Variants in TTC6 observed in about 807,000 individuals in gnomAD.
TTC6 encodes the protein tetratricopeptide repeat domain 6, also known as tetratricopeptide repeat protein 6.
Under a neutral mutation model 210.4 loss-of-function variants are expected in TTC6, and 172 were observed. The observed-to-expected ratio is 0.82, with a 90% confidence interval of 0.72 to 0.93. The LOEUF (loss-of-function observed/expected upper bound fraction) is 0.93. Among genes scored for constraint, TTC6 ranks in the 40% least tolerant of loss-of-function variants. The probability of loss-of-function intolerance (pLI) is 0.00; values close to 1 mark genes in which losing one functional copy is unlikely to be tolerated. For missense variants in TTC6, 2,414 were observed against 2,318.1 expected (o/e 1.04, Z -0.85); for synonymous variants, 804 against 819.6 (o/e 0.98, Z 0.32).
In TTC6 at chr14:37,804,547, G is replaced by A. The variant is rs559678168; in HGVS notation, c.4030-133G>A. The A allele has an allele frequency of 3.7e-5, 45 of 1,200,130 alleles. No individual in the cohort carries two copies. In the South Asian group the frequency reaches 4.5e-4, roughly 12 times the overall value. 74.3% of individuals were successfully genotyped at this position (1,200,130 alleles called of 1,614,324 possible). A position where few individuals can be genotyped will look rare whatever the true frequency, so the allele number is the denominator to read the frequency against. On this transcript the variant is annotated intron_variant, in intron 20 of 30. Coordinates refer to ENST00000553443, the Ensembl canonical transcript of TTC6. Reference sequence around the variant, plus strand: ...CTGACAAGACCTGTAACTTCACCAGGTCTGTTTGTCCCCAGATAAAGTAAG... The same window carrying A: ...CTGACAAGACCTGTAACTTCACCAGATCTGTTTGTCCCCAGATAAAGTAAG...
At chr14:37,668,951 C>T (rs2095753375) in intron 1 of TTC6, among the ~76,000 whole-genome samples, 1 of 152,196 alleles carries the variant, frequency 6.6e-6, no homozygotes, top group South Asian at 2.1e-4. Context: ...GTCCTTCCCT[C>T]ACTGATTCTG....
chr14:37,735,037 A>C (rs1388353287), intron 7 of TTC6, among the ~76,000 whole-genome samples: 1 of 152,150 alleles, frequency 6.6e-6, no homozygotes, highest in Non-Finnish European at 1.5e-5. Flanking sequence ...ATAATGATGA[A>C]AGTGACCAAG....
intron 2 of TTC6, among the ~76,000 whole-genome samples, chr14:37,681,696 T>C (rs1323954465): frequency 6.6e-6 from 1 of 152,016 alleles, no homozygotes; most frequent in African/African-American, 2.4e-5. Flanking sequence ...CTTATACTAG[T>C]GGTTTGCTGG....
At chr14:37,764,547 T>C (rs2095993015) in intron 14 of TTC6, among the ~76,000 whole-genome samples, 1 of 152,182 alleles carries the variant, frequency 6.6e-6, no homozygotes, top group African/African-American at 2.4e-5. Context: ...GTATTAATTA[T>C]TGCCTTAAAA....
chr14:37,666,233 C>A (rs2095747707), intron 1 of TTC6, among the ~76,000 whole-genome samples: 1 of 149,942 alleles, frequency 6.7e-6, no homozygotes, highest in Non-Finnish European at 1.5e-5. Context: ...TCAGCCTTCA[C>A]CTGACTGCAA....
At chr14:37,780,026 A>C (rs2096049754) in intron 14 of TTC6, among the ~76,000 whole-genome samples, 2 of 152,322 alleles carry the variant, frequency 1.3e-5, no homozygotes, top group African/African-American at 4.8e-5. Context: ...CGAAGTTGAA[A>C]CAAATGCAAA....
At chr14:37,611,849 C>G (rs1476553794) in intron 2 of TTC6, among the ~76,000 whole-genome samples, 1 of 152,078 alleles carries the variant, frequency 6.6e-6, no homozygotes. Flanking sequence ...AGAATAGAGA[C>G]CAGTTTCCTG....
At chr14:37,766,251 C>T (rs79665636) in intron 14 of TTC6, among the ~76,000 whole-genome samples, 2,173 of 152,194 alleles carry the variant, frequency 0.014, 64 homozygotes, top group African/African-American at 0.05. Context: ...TACATATGCA[C>T]ATTTATGATA....
intron 5 of TTC6, among the ~76,000 whole-genome samples, chr14:37,704,588 T>C (rs2095831841): frequency 6.6e-6 from 1 of 152,116 alleles, no homozygotes; most frequent in Non-Finnish European, 1.5e-5. Context: ...TTATCTCTTT[T>C]GTATTGTTTT....
At chr14:37,613,453 T>C (rs1320583308) in intron 2 of TTC6, among the ~76,000 whole-genome samples, 1 of 152,138 alleles carries the variant, frequency 6.6e-6, no homozygotes, top group Admixed American at 6.5e-5. Flanking sequence ...GTAATTTTCT[T>C]TCTTTAAAAA....
At chr14:37,827,198 C>T in exon 29 of TTC6, 1 of 1,609,380 alleles carries the variant, frequency 6.2e-7, no homozygotes, top group Middle Eastern at 1.7e-4. Context: ...TACTGCAGAT[C>T]AGTACTACAG....
rs143699132 is a variant in TTC6 at position 37,696,219 on chromosome 14, T to C, written c.1258-498T>C. Among the ~76,000 whole-genome samples the C allele has an allele frequency of 5.9e-5, 9 of 152,254 alleles. No individual in the cohort carries two copies. The East Asian group carries it at 1.5e-3, about 26-fold the overall frequency. Reference sequence around the variant, plus strand: ...CCCAAGGAGGGCCTCCCTGATTTCTTCCTTAAATCTAATCTCAAAAAAATA... The same window carrying C: ...CCCAAGGAGGGCCTCCCTGATTTCTCCCTTAAATCTAATCTCAAAAAAATA... On this transcript the variant is annotated intron_variant, in intron 3 of 30. Transcript: ENST00000553443.
chr14:37,764,649 G>A (rs762192443), intron 14 of TTC6, among the ~76,000 whole-genome samples: 10 of 151,934 alleles, frequency 6.6e-5, no homozygotes, highest in Admixed American at 5.9e-4. Flanking sequence ...ACTTTCAACC[G>A]ATTTGTATCT....
At chr14:37,738,700 C>A in intron 9 of TTC6, 76 bp from the exon 12 acceptor site, 1 of 1,180,960 alleles carries the variant, frequency 8.5e-7, no homozygotes, top group African/African-American at 1.6e-5. Context: ...GTAATTGTAA[C>A]AGAATTAATT....
chr14:37,605,718 G>A (rs1451186191), intron 1 of TTC6, among the ~76,000 whole-genome samples: 1 of 152,160 alleles, frequency 6.6e-6, no homozygotes, highest in Non-Finnish European at 1.5e-5. Context: ...TACCATAGCT[G>A]GAGAACATCT....
chr14:37,800,373 T>G (rs2096103581), intron 20 of TTC6, among the ~76,000 whole-genome samples: 1 of 152,166 alleles, frequency 6.6e-6, no homozygotes, highest in Non-Finnish European at 1.5e-5. Flanking sequence ...GCTTTCTTTT[T>G]GCTTCTAATA....
rs186260827 is a variant in TTC6, at chr14:37,666,394, C to T, written c.940-13757C>T. ...CTGGGTGGCTGAAGTGCGAGGATCA[C>T]CTGAGCCCAGAAATTTGAGACCAGC... On this transcript the variant is annotated intron_variant, in intron 1 of 30. Coordinates refer to ENST00000553443, the Ensembl canonical transcript of TTC6. 8.9e-4 allele frequency among the ~76,000 whole-genome samples: 133 copies of T among 148,978 alleles called. 1 individual carries two copies. The highest frequency in any genetic ancestry group is 3.2e-3 in the African/African-American group (132 of 41,070).
At chr14:37,838,899 C>A (rs1396042985) in intron 29 of TTC6, among the ~76,000 whole-genome samples, 1 of 152,054 alleles carries the variant, frequency 6.6e-6, no homozygotes, top group Non-Finnish European at 1.5e-5. Context: ...TGAGAACATG[C>A]GGTGTTTGGT....
rs1566922434 is a variant in TTC6, at chr14:37,738,990, G to A, written c.2198G>A (p.Ser733Asn). 5 of 1,535,616 alleles carry A rather than the reference G, an allele frequency of 3.3e-6. No individual in the cohort carries two copies. In the Middle Eastern group the frequency reaches 5.0e-4, roughly 155 times the overall value. Residue 733 changes from serine to asparagine, a missense_variant, in exon 10 of 31, where the codon AGT becomes AAT. By Grantham distance (46) the Ser-to-Asn change is conservative. Transcript: ENST00000553443. ...TTTGATAACATGTGCGAAAAACACAGTTTGAGAAATCTCTCTTTGACTCTC... is the reference window on the plus strand; with the variant it reads ...TTTGATAACATGTGCGAAAAACACAATTTGAGAAATCTCTCTTTGACTCTC...
Sources: gnomAD v4.1 joint callset for allele counts (sites outside exome capture counted in the v4.1 genomes callset) on GRCh38, gnomAD v4.1.1 for gene constraint, MANE v1.5 for transcripts, NCBI Gene and HGNC (gene_info 2026-07-23, HGNC 2026-07-21) for gene names.